The following FSTL4 variants were observed in gnomAD, a reference collection of about 807,000 sequenced individuals.
FSTL4 encodes the protein follistatin like 4, also known as follistatin-related protein 4.
A neutral mutation model predicts 78.2 loss-of-function variants in FSTL4; 28 were observed. That is an observed-to-expected ratio of 0.36 (90% CI 0.27 to 0.49). The LOEUF (loss-of-function observed/expected upper bound fraction) is 0.49, where lower values mean the gene tolerates loss of function less well. Among genes scored for constraint, FSTL4 ranks in the 20% least tolerant of loss-of-function variants. The pLI is 0.98. For synonymous variants in FSTL4, 422 were observed against 440.5 expected (o/e 0.96, Z 0.53); for missense variants, 922 against 1,084.9 (o/e 0.85, Z 2.11).
At chr5:133,634,748 T>C in the FSTL4 span, among the ~76,000 whole-genome samples, 45 of 152,330 alleles carry the variant, frequency 3.0e-4, no homozygotes, top group African/African-American at 9.9e-4. Context: ...ATTTGTGATA[T>C]GTCAGACATG....
intron 3 of FSTL4, among the ~76,000 whole-genome samples, chr5:133,496,207 C>G (rs1368881357): frequency 6.6e-6 from 1 of 152,212 alleles, no homozygotes; most frequent in Non-Finnish European, 1.5e-5. Flanking sequence ...GTATGCAACT[C>G]TGTAAAATAA....
At chr5:133,292,343 A>T (rs969185485) in intron 6 of FSTL4, among the ~76,000 whole-genome samples, 1 of 152,150 alleles carries the variant, frequency 6.6e-6, no homozygotes, top group Non-Finnish European at 1.5e-5. Context: ...GGAAGGGGCC[A>T]AGGGGTGTGA....
intron 11 of FSTL4, among the ~76,000 whole-genome samples, chr5:133,221,913 T>TTTTTTTTTTTTTTTTTG (rs1751140299): frequency 2.0e-5 from 2 of 97,806 alleles, no homozygotes; most frequent in Non-Finnish European, 3.9e-5. Context: ...TTTTTTTTTT[T>TTTTTTTTTTTTTTTTTG]TTTTTTTTTT....
At chr5:133,661,772 A>AAGAT in the FSTL4 span, among the ~76,000 whole-genome samples, 1 of 152,234 alleles carries the variant, frequency 6.6e-6, no homozygotes, top group Non-Finnish European at 1.5e-5. Flanking sequence ...CTTGTTTATA[A>AAGAT]AGATAACTCT....
intron 4 of FSTL4, among the ~76,000 whole-genome samples, chr5:133,378,434 C>T (rs1330433426): frequency 6.6e-6 from 1 of 152,086 alleles, no homozygotes; most frequent in East Asian, 1.9e-4. Flanking sequence ...TAACTTGAAT[C>T]TACAAAAACA....
At chr5:133,616,664 A>G (rs142530552), upstream of FSTL4, among the ~76,000 whole-genome samples, 127 of 152,156 alleles carry the variant, frequency 8.3e-4, no homozygotes, top group East Asian at 0.024. Flanking sequence ...CGGCCTCCCA[A>G]AGAGCTGGGA....
chr5:133,514,178 CAATGATAATAATAAT>C (rs759757661), intron 3 of FSTL4, among the ~76,000 whole-genome samples: 6,947 of 130,992 alleles, frequency 0.053, 290 homozygotes, highest in African/African-American at 0.11. Context: ...GACTCCGTCT[CAATGATAATAATAAT>C]AATAATAATA....
intron 6 of FSTL4, among the ~76,000 whole-genome samples, chr5:133,309,188 G>C (rs562274496): frequency 6.6e-6 from 1 of 151,958 alleles, no homozygotes; most frequent in African/African-American, 2.4e-5. Context: ...CTGGAGCCTG[G>C]GTCTCTGCCA....
the FSTL4 span, among the ~76,000 whole-genome samples, chr5:133,739,813 C>G: frequency 6.6e-6 from 1 of 152,050 alleles, no homozygotes; most frequent in African/African-American, 2.4e-5. Context: ...GAAACTCAGG[C>G]TCAGAGAGGT....
chr5:133,789,572 T>C, the FSTL4 span, among the ~76,000 whole-genome samples: 2 of 152,292 alleles, frequency 1.3e-5, no homozygotes, highest in South Asian at 4.2e-4. Flanking sequence ...GAAAACACAG[T>C]TCTGGGAAAA....
chr5:133,211,973 TCTTG>T (rs888618255), intron 13 of FSTL4, among the ~76,000 whole-genome samples: 5 of 152,126 alleles, frequency 3.3e-5, no homozygotes, highest in African/African-American at 4.8e-5. Flanking sequence ...TTAATTACTC[TCTTG>T]CTTTAATTAA....
intron 3 of FSTL4, among the ~76,000 whole-genome samples, chr5:133,487,209 G>T (rs1197497021): frequency 6.6e-6 from 1 of 152,170 alleles, no homozygotes; most frequent in Non-Finnish European, 1.5e-5. Context: ...AGAGCTCCTG[G>T]TCTCACTGCC....
intron 4 of FSTL4, among the ~76,000 whole-genome samples, chr5:133,363,761 A>G (rs1286520724): frequency 6.6e-6 from 1 of 151,878 alleles, no homozygotes; most frequent in African/African-American, 2.4e-5. Flanking sequence ...CCTGCTTACT[A>G]CCTTGGTCGA....
intron 6 of FSTL4, among the ~76,000 whole-genome samples, chr5:133,309,976 A>C (rs182674056): frequency 4.5e-4 from 68 of 152,340 alleles, no homozygotes; most frequent in African/African-American, 1.5e-3. Context: ...AGATTTCTTT[A>C]ATGCCCATCG....
At chr5:133,833,932 C>T in the FSTL4 span, among the ~76,000 whole-genome samples, 9 of 152,266 alleles carry the variant, frequency 5.9e-5, no homozygotes, top group East Asian at 1.7e-3. Context: ...CAATCTAGCT[C>T]TTTATCTAAG....
At chr5:133,398,963 A>C (rs1580682164) in intron 4 of FSTL4, among the ~76,000 whole-genome samples, 1 of 152,298 alleles carries the variant, frequency 6.6e-6, no homozygotes, top group Admixed American at 6.5e-5. Flanking sequence ...AGCAGAACTG[A>C]GCCCTGATCT....
chr5:133,366,792 A>G (rs758878029), intron 4 of FSTL4, among the ~76,000 whole-genome samples: 3 of 151,776 alleles, frequency 2.0e-5, no homozygotes, highest in Non-Finnish European at 4.4e-5. Context: ...ATCCTAATTT[A>G]TAGTAATGGG....
rs12652634 is a variant in FSTL4 at position 133,349,095 on chromosome 5, G to A, written c.410-32443C>T. On this transcript the variant is annotated intron_variant, in intron 4 of 15. Transcript: ENST00000265342. ...TCAAGTACACAGACCCCGTGTCCTC[G>A]TGAAAATAAATAAAACACATCTTGT... Among the ~76,000 whole-genome samples, 201 of 152,218 alleles carry A rather than the reference G, an allele frequency of 1.3e-3. 3 individuals carry two copies. In the East Asian group the frequency reaches 0.033, roughly 25 times the overall value.
In FSTL4 at chr5:133,556,399, G is replaced by C. The variant is rs914887968; in HGVS notation, c.160+10787C>G. 2.6e-5 allele frequency among the ~76,000 whole-genome samples: 4 copies of C among 152,232 alleles called. No individual in the cohort carries two copies. In the South Asian group the frequency reaches 8.3e-4, roughly 32 times the overall value. ...AAAACTTTTGCCTCTAAATTGTCTT[G>C]AATGTGTGGACACATAGGAAATTAC... On this transcript the variant is annotated intron_variant, in intron 3 of 15. Transcript: ENST00000265342.
Sources: gnomAD v4.1 joint callset for allele counts (sites outside exome capture counted in the v4.1 genomes callset) on GRCh38, gnomAD v4.1.1 for gene constraint, MANE v1.5 for transcripts, NCBI Gene and HGNC (gene_info 2026-07-23, HGNC 2026-07-21) for gene names.